TENT4B: variants seen among roughly 807,000 people sequenced by gnomAD.
TENT4B encodes PAP associated domain containing 5.
Under a neutral mutation model 75.0 loss-of-function variants are expected in TENT4B, and 10 were observed. The ratio of observed to expected loss-of-function variants is 0.13; its 90% CI spans 0.08 to 0.23. The LOEUF is 0.23. TENT4B is among the 10% of genes least tolerant of loss of function. The pLI, the probability that TENT4B is intolerant of heterozygous loss-of-function variation, is 1.00. For synonymous variants in TENT4B, 350 were observed against 357.7 expected, an observed-to-expected ratio of 0.98 and a Z score of 0.24; for missense variants, 579 against 893.8, an observed-to-expected ratio of 0.65 and a Z score of 4.49.
At chr16:50,214,690 C>G (rs1035884957) in intron 3 of TENT4B, among the ~76,000 whole-genome samples, 1 of 152,050 alleles carries the variant, frequency 6.6e-6, no homozygotes, top group Non-Finnish European at 1.5e-5. Flanking sequence ...AAGGATTTAC[C>G]AGCATTTAAT....
At chr16:50,189,355 G>C (rs952201153) in intron 1 of TENT4B, among the ~76,000 whole-genome samples, 5 of 152,088 alleles carry the variant, frequency 3.3e-5, no homozygotes, top group African/African-American at 1.2e-4. Context: ...TTAAAATATT[G>C]CAAGTGCGTT....
At chr16:50,155,463 G>C (rs895259429) in intron 1 of TENT4B, among the ~76,000 whole-genome samples, 1 of 152,060 alleles carries the variant, frequency 6.6e-6, no homozygotes, top group Non-Finnish European at 1.5e-5. Context: ...GCCCTGCTTT[G>C]GCTGAGAGAG....
chr16:50,221,864 A>G (rs1596748925), intron 5 of TENT4B, among the ~76,000 whole-genome samples: 1 of 151,962 alleles, frequency 6.6e-6, no homozygotes, highest in South Asian at 2.1e-4. Flanking sequence ...CCCGGGTTCA[A>G]GTGATTCTCC....
At chr16:50,196,806 A>G (rs376198854) in intron 1 of TENT4B, among the ~76,000 whole-genome samples, 2 of 151,646 alleles carry the variant, frequency 1.3e-5, no homozygotes, top group Non-Finnish European at 2.9e-5. Flanking sequence ...GTGTGATGGC[A>G]TGCAGCTGTA....
At chr16:50,195,061 A>T (rs2030133144) in intron 1 of TENT4B, among the ~76,000 whole-genome samples, 1 of 152,046 alleles carries the variant, frequency 6.6e-6, no homozygotes, top group East Asian at 1.9e-4. Context: ...GCTAATTTTT[A>T]AATTTTTTTT....
At chr16:50,156,941 G>T (rs2037912784) in intron 1 of TENT4B, among the ~76,000 whole-genome samples, 2 of 152,180 alleles carry the variant, frequency 1.3e-5, no homozygotes, top group Admixed American at 6.5e-5. Flanking sequence ...TTATAGGCAT[G>T]AGCCACCATT....
At chr16:50,215,773 G>A (rs1266504487) in intron 3 of TENT4B, among the ~76,000 whole-genome samples, 4 of 152,030 alleles carry the variant, frequency 2.6e-5, no homozygotes, top group African/African-American at 4.8e-5. Context: ...TACCACAAGC[G>A]TTTATTAAAG....
At chr16:50,215,772 C>T (rs1029376983) in intron 3 of TENT4B, among the ~76,000 whole-genome samples, 5 of 152,070 alleles carry the variant, frequency 3.3e-5, no homozygotes, top group South Asian at 2.1e-4. Flanking sequence ...GTACCACAAG[C>T]GTTTATTAAA....
Position 50,231,048 on chromosome 16 carries a change from T to A in TENT4B, c.*1720T>A, listed in dbSNP as rs2032277593. On this transcript the variant is annotated 3_prime_UTR_variant, in exon 12 of 12. Transcript: ENST00000561678. ...TTTTATAAAGAAAATAATGCTAAAG[T>A]AAGACCAAAACTGATGTCATCACTG... 8 of 967,678 alleles carry A rather than the reference T, an allele frequency of 8.3e-6. No homozygotes were observed. Among genetic ancestry groups the A allele is most frequent in the African/African-American group, 1.8e-5 (1 of 57,084 alleles). 59.9% of individuals were successfully genotyped at this position (967,678 alleles called of 1,614,324 possible).
rs1329066603 is a variant in TENT4B, at chr16:50,231,060, T to C, written c.*1732T>C. On this transcript the variant is annotated 3_prime_UTR_variant, in exon 12 of 12. Transcript: ENST00000561678. ...AATAATGCTAAAGTAAGACCAAAAC[T>C]GATGTCATCACTGAAATTAACAATT... 1 of 982,780 alleles carries C rather than the reference T, an allele frequency of 1.0e-6. No individual in the cohort carries two copies. The highest frequency in any genetic ancestry group is 1.2e-6 in the Non-Finnish European group (1 of 827,198). The allele number at this position is 982,780 out of a possible 1,614,324, so 60.9% of individuals were successfully genotyped here. A position where few individuals can be genotyped will look rare whatever the true frequency, so the allele number is the denominator to read the frequency against.
intron 10 of TENT4B, among the ~76,000 whole-genome samples, chr16:50,227,435 G>A (rs1330271141): frequency 6.6e-6 from 1 of 152,158 alleles, no homozygotes; most frequent in Non-Finnish European, 1.5e-5. Context: ...TGGTTAGAAT[G>A]ATCACTGATT....
At chr16:50,202,630 C>T (rs2030719598) in intron 1 of TENT4B, among the ~76,000 whole-genome samples, 1 of 152,164 alleles carries the variant, frequency 6.6e-6, no homozygotes. Context: ...AGCTTCCTAA[C>T]TTTGCCCAAA....
At chr16:50,199,242 C>T (rs975077003) in intron 1 of TENT4B, among the ~76,000 whole-genome samples, 2 of 152,246 alleles carry the variant, frequency 1.3e-5, no homozygotes, top group African/African-American at 4.8e-5. Flanking sequence ...GGCCCATGAC[C>T]ATGGGGATGC....
chr16:50,182,907 T>TTTTTTTTTTTTTTTTTTTTTTTTG (rs2038447061), intron 1 of TENT4B, among the ~76,000 whole-genome samples: 1 of 136,564 alleles, frequency 7.3e-6, no homozygotes, highest in Non-Finnish European at 1.6e-5. Flanking sequence ...TTTTTTTTTT[T>TTTTTTTTTTTTTTTTTTTTTTTTG]TTTTTTTTTT....
chr16:50,181,382 G>A (rs2038412491), intron 1 of TENT4B, among the ~76,000 whole-genome samples: 1 of 150,726 alleles, frequency 6.6e-6, no homozygotes, highest in South Asian at 2.1e-4. Flanking sequence ...GCAGTGGTGT[G>A]ATCTTGGCTC....
chr16:50,234,328 G>C lies in TENT4B; in HGVS notation c.*5000G>C. On this transcript the variant is annotated 3_prime_UTR_variant, in exon 12 of 12. Coordinates refer to ENST00000561678, the MANE Select transcript of TENT4B (RefSeq NM_001365324.3). ...GTGGAATTGGGTAGGGGAGGGAAAG[G>C]AGGACTTGGAAAAGCATTCTCCAAA... 1 of 980,426 alleles carries C rather than the reference G, an allele frequency of 1.0e-6. No individual in the cohort carries two copies. Among genetic ancestry groups the C allele is most frequent in the Non-Finnish European group, 1.2e-6 (1 of 828,496 alleles). 60.7% of individuals were successfully genotyped at this position (980,426 alleles called of 1,614,324 possible).
intron 10 of TENT4B, among the ~76,000 whole-genome samples, chr16:50,227,347 A>C (rs900740782): frequency 6.6e-6 from 1 of 152,184 alleles, no homozygotes; most frequent in East Asian, 1.9e-4. Context: ...TAGCATTGTC[A>C]TGGCCCATGC....
At chr16:50,174,887 C>T (rs531053488) in intron 1 of TENT4B, among the ~76,000 whole-genome samples, 35 of 151,720 alleles carry the variant, frequency 2.3e-4, no homozygotes, top group South Asian at 1.0e-3. Context: ...GGATTACAGG[C>T]GAATGCTACC....
intron 1 of TENT4B, among the ~76,000 whole-genome samples, chr16:50,160,608 TTAAGGGCTCCGTTGGTGATACGGAAC>T (rs1223601144): frequency 6.6e-6 from 1 of 152,134 alleles, no homozygotes; most frequent in Non-Finnish European, 1.5e-5. Context: ...GGAACAGAAT[TTAAGGGCTCCGTTGGTGATACGGAAC>T]TGATCAGATG....
Sources: gnomAD v4.1 joint callset for allele counts (sites outside exome capture counted in the v4.1 genomes callset) on GRCh38, gnomAD v4.1.1 for gene constraint, MANE v1.5 for transcripts, NCBI Gene and HGNC (gene_info 2026-07-23, HGNC 2026-07-21) for gene names.